Variants in TAS2R1 observed in about 807,000 individuals in gnomAD.
TAS2R1 encodes taste 2 receptor member 1.
For synonymous variants in TAS2R1, 141 were observed against 134.2 expected, an observed-to-expected ratio of 1.05 and a Z score of -0.35; for missense variants, 370 against 353.4, an observed-to-expected ratio of 1.05 and a Z score of -0.38.
At chr5:9,775,742 A>G in the TAS2R1 span, among the ~76,000 whole-genome samples, 1 of 152,140 alleles carries the variant, frequency 6.6e-6, no homozygotes, top group African/African-American at 2.4e-5. Context: ...CCCAGAAGCC[A>G]GGGCCTGGAA....
chr5:9,715,985 T>G (rs1734802921), upstream of TAS2R1, among the ~76,000 whole-genome samples: 1 of 152,108 alleles, frequency 6.6e-6, no homozygotes, highest in Non-Finnish European at 1.5e-5. Context: ...CCAAATGGAG[T>G]GACACATACT....
intron 1 of TAS2R1, among the ~76,000 whole-genome samples, chr5:9,674,702 T>A (rs1183543416): frequency 6.6e-6 from 1 of 152,168 alleles, no homozygotes; most frequent in African/African-American, 2.4e-5. Flanking sequence ...ATTTCTTAAT[T>A]ATACTACTTT....
chr5:9,695,670 T>C (rs1024661809), intron 1 of TAS2R1, among the ~76,000 whole-genome samples: 2 of 152,062 alleles, frequency 1.3e-5, no homozygotes, highest in African/African-American at 4.8e-5. Context: ...CCCCTGAGGA[T>C]GGCCTCTGGA....
the TAS2R1 span, among the ~76,000 whole-genome samples, chr5:9,866,276 CTTGTAA>C: frequency 1.3e-5 from 2 of 152,156 alleles, no homozygotes; most frequent in African/African-American, 2.4e-5. Flanking sequence ...AATCCTTCAT[CTTGTAA>C]TTGTATTTCT....
chr5:9,763,420 T>C, the TAS2R1 span, among the ~76,000 whole-genome samples: 2 of 152,092 alleles, frequency 1.3e-5, no homozygotes, highest in Non-Finnish European at 1.5e-5. Flanking sequence ...GGAGAATTGC[T>C]TGAACCTGGG....
the TAS2R1 span, among the ~76,000 whole-genome samples, chr5:9,764,359 T>C: frequency 6.6e-6 from 1 of 152,250 alleles, no homozygotes; most frequent in Non-Finnish European, 1.5e-5. Flanking sequence ...ATGTTAGCAC[T>C]TTTAAGATTG....
the TAS2R1 span, among the ~76,000 whole-genome samples, chr5:9,756,699 A>G: frequency 6.6e-5 from 10 of 152,154 alleles, no homozygotes; most frequent in Non-Finnish European, 1.3e-4. Flanking sequence ...TCGGTGTAAA[A>G]GATATCATGA....
At chr5:9,826,050 C>T in the TAS2R1 span, among the ~76,000 whole-genome samples, 30 of 152,168 alleles carry the variant, frequency 2.0e-4, no homozygotes, top group East Asian at 3.3e-3. Context: ...GAAAAAGAAA[C>T]GGTAATTTTT....
At chr5:9,747,616 G>A in the TAS2R1 span, among the ~76,000 whole-genome samples, 4 of 152,044 alleles carry the variant, frequency 2.6e-5, no homozygotes, top group Non-Finnish European at 4.4e-5. Context: ...CAAGGGATAC[G>A]CCTCCATGAC....
chr5:9,806,871 A>C, the TAS2R1 span, among the ~76,000 whole-genome samples: 1 of 152,122 alleles, frequency 6.6e-6, no homozygotes, highest in Non-Finnish European at 1.5e-5. Flanking sequence ...GAACCCAAAA[A>C]CAAATGCAAC....
chr5:9,849,818 T>C, the TAS2R1 span, among the ~76,000 whole-genome samples: 1 of 152,220 alleles, frequency 6.6e-6, no homozygotes, highest in Non-Finnish European at 1.5e-5. Context: ...CTAGTGCTGA[T>C]GCTGTGGTCT....
chr5:9,735,093 G>C, the TAS2R1 span, among the ~76,000 whole-genome samples: 3 of 151,290 alleles, frequency 2.0e-5, no homozygotes, highest in Non-Finnish European at 2.9e-5. Context: ...TGACAGGAGA[G>C]AGCGAGCAAG....
At chr5:9,811,619 T>A in the TAS2R1 span, among the ~76,000 whole-genome samples, 1 of 152,164 alleles carries the variant, frequency 6.6e-6, no homozygotes, top group Non-Finnish European at 1.5e-5. Flanking sequence ...ACCTCGGAAC[T>A]CTGTCCTTTT....
the TAS2R1 span, among the ~76,000 whole-genome samples, chr5:9,717,853 G>C: frequency 1.3e-5 from 2 of 151,966 alleles, no homozygotes; most frequent in Non-Finnish European, 2.9e-5. Flanking sequence ...TAAAAGGCTA[G>C]GTCTGACTTA....
the TAS2R1 span, among the ~76,000 whole-genome samples, chr5:9,809,109 C>T: frequency 6.6e-6 from 1 of 152,194 alleles, no homozygotes; most frequent in African/African-American, 2.4e-5. Flanking sequence ...AAGCACACAA[C>T]TTGTCTGGTT....
the TAS2R1 span, among the ~76,000 whole-genome samples, chr5:9,784,203 TAGCAGGAG>T: frequency 6.6e-6 from 1 of 152,240 alleles, no homozygotes; most frequent in Non-Finnish European, 1.5e-5. Flanking sequence ...CTAACCAGGC[TAGCAGGAG>T]TCTTTCTTCT....
chr5:9,667,006 C>A (rs1740647887), intron 1 of TAS2R1, among the ~76,000 whole-genome samples: 2 of 151,850 alleles, frequency 1.3e-5, no homozygotes, highest in African/African-American at 4.8e-5. Context: ...AAAAAAGGTC[C>A]TTATATGAGT....
chr5:9,770,945 G>T, the TAS2R1 span, among the ~76,000 whole-genome samples: 1 of 152,120 alleles, frequency 6.6e-6, no homozygotes, highest in African/African-American at 2.4e-5. Flanking sequence ...AATAACAGTG[G>T]TGAGAATGGG....
At chr5:9,722,107 G>A in the TAS2R1 span, among the ~76,000 whole-genome samples, 4 of 152,124 alleles carry the variant, frequency 2.6e-5, no homozygotes, top group African/African-American at 9.7e-5. Flanking sequence ...TAAACCTAAG[G>A]GTAAAGGAAC....
Sources: gnomAD v4.1 joint callset for allele counts (sites outside exome capture counted in the v4.1 genomes callset) on GRCh38, gnomAD v4.1.1 for gene constraint, MANE v1.5 for transcripts, NCBI Gene and HGNC (gene_info 2026-07-23, HGNC 2026-07-21) for gene names.